Variants in IDH3A observed in about 807,000 individuals in gnomAD.
The protein encoded by IDH3A is isocitrate dehydrogenase [NAD] subunit alpha, mitochondrial.
In IDH3A, 23 loss-of-function variants were observed where a neutral mutation model predicts 43.3. The observed-to-expected ratio is 0.53, with a 90% confidence interval of 0.38 to 0.75. The LOEUF (loss-of-function observed/expected upper bound fraction) is 0.75. Among genes scored for constraint, IDH3A ranks in the 30% least tolerant of loss-of-function variants. The pLI is 0.00. For synonymous variants in IDH3A, 154 were observed against 163.5 expected (o/e 0.94, Z 0.44); for missense variants, 329 against 474.4 (o/e 0.69, Z 2.85).
chr15:78,164,970 T>C lies in IDH3A; in HGVS notation c.780-22T>C, dbSNP rs376369083. On this transcript the variant is annotated intron_variant, in intron 8 of 10. Coordinates refer to ENST00000299518, the MANE Select transcript of IDH3A (RefSeq NM_005530.3). ...ATGTTTTATTTTTAAAAACATTCTT[T>C]GAAATGCTTTTCTTCCGCTAGTGAC... The C allele has an allele frequency of 3.1e-6, 5 of 1,589,936 alleles. 1 individual carries two copies. The highest frequency in any genetic ancestry group is 2.2e-5 in the South Asian group (2 of 90,196).
chr15:78,156,188 G>T (rs1192263240), intron 2 of IDH3A, among the ~76,000 whole-genome samples: 1 of 152,074 alleles, frequency 6.6e-6, no homozygotes, highest in Non-Finnish European at 1.5e-5. Context: ...CATTTCAAAC[G>T]CATTCTGAAA....
Position 78,161,702 on chromosome 15 carries a change from C to T in IDH3A, c.411C>T (p.Tyr137=), listed in dbSNP as rs2074682874. ...CTATCGAAGGCTATAAAACCCCTTACACCGATGTAAATATTGTGACCATTC... is the reference window on the plus strand; with the variant it reads ...CTATCGAAGGCTATAAAACCCCTTATACCGATGTAAATATTGTGACCATTC... The part of the protein sequence containing the change: ...CVSIEGYKTP[Y]TDVNIVTIRE... Residue 137 remains tyrosine (Y), a synonymous_variant, in exon 5 of 11, where the codon TAC becomes TAT. Transcript: ENST00000299518. This position sits in a 1 kb window ranked among gnomAD's most constrained non-coding sequence, Gnocchi z 4.8. 1 of 1,614,132 alleles carries T rather than the reference C, an allele frequency of 6.2e-7. No individual in the cohort carries two copies.
At chr15:78,167,603 C>T (rs577572725) in intron 10 of IDH3A, 4 of 152,226 alleles carry the variant, frequency 2.6e-5, no homozygotes, top group Admixed American at 6.5e-5. Context: ...CACCATCAGT[C>T]ATCTCCAGAC....
At chr15:78,166,341 C>CA in intron 10 of IDH3A, 39 bp downstream of exon 10, 1 of 1,592,760 alleles carries the variant, frequency 6.3e-7, no homozygotes, top group South Asian at 1.1e-5. Flanking sequence ...GGGTAAAATG[C>CA]ATTGCTTCCA....
chr15:78,158,469 T>A (rs2868609), intron 3 of IDH3A, among the ~76,000 whole-genome samples: 638 of 54,928 alleles, frequency 0.012, 1 homozygote, highest in African/African-American at 0.045. Flanking sequence ...ATATATTTTT[T>A]TTTTTTTTTT....
chr15:78,163,432 A>T, intron 6 of IDH3A, 75 bp from the exon 7 acceptor site: 1 of 1,035,032 alleles, frequency 9.7e-7, no homozygotes, highest in Non-Finnish European at 1.5e-6. Flanking sequence ...TCTTGAACTT[A>T]CTTTACTTCT....
Position 78,169,040 on chromosome 15 carries a change from A to C in IDH3A, c.*35A>C. On this transcript the variant is annotated 3_prime_UTR_variant, in exon 11 of 11. Transcript: ENST00000299518. ...AACTGGCATTTACATCAGTCACTCT[A>C]AATGGACACCACATGAACCTCTGTT... The C allele has an allele frequency of 7.6e-7, 1 of 1,307,334 alleles. No homozygotes were observed. Among genetic ancestry groups the C allele is most frequent in the South Asian group, 1.2e-5 (1 of 83,010 alleles). The allele number at this position is 1,307,334 out of a possible 1,614,324, so 81.0% of individuals were successfully genotyped here.
At chr15:78,166,024 G>A (rs1284948770) in intron 9 of IDH3A, 126 bp from the exon 10 acceptor site, 5 of 860,258 alleles carry the variant, frequency 5.8e-6, no homozygotes, top group Non-Finnish European at 7.5e-6. Context: ...CAGATGAATT[G>A]CACGCAGTAG....
At position 78,161,039 on chromosome 15, in the gene IDH3A, G is replaced by A. The variant is rs948262254; in HGVS notation, c.290-542G>A. Among the ~76,000 whole-genome samples, 8 of 151,962 alleles carry A rather than the reference G, an allele frequency of 5.3e-5. No individual in the cohort carries two copies. Among genetic ancestry groups the A allele is most frequent in the African/African-American group, 1.2e-4 (5 of 41,370 alleles). On this transcript the variant is annotated intron_variant, in intron 4 of 10. Coordinates refer to ENST00000299518, the MANE Select transcript of IDH3A (RefSeq NM_005530.3). This position sits in a 1 kb window ranked among gnomAD's most constrained non-coding sequence, Gnocchi z 4.8. The stretch of plus-strand genomic sequence containing the variant: ...TGGGATTACAGGCACACACCACAAC[G>A]CCCAGCTAATTTTTGTATTTTTAGT...
chr15:78,166,475 G>A (rs1036952508), intron 10 of IDH3A, 173 bp downstream of exon 10: 2 of 678,740 alleles, frequency 2.9e-6, no homozygotes, highest in African/African-American at 1.8e-5. Context: ...GTGCACATGT[G>A]TGCATTTTCT....
intron 1 of IDH3A, 92 bp downstream of exon 1, chr15:78,149,522 G>A: frequency 8.7e-7 from 1 of 1,154,830 alleles, no homozygotes; most frequent in Non-Finnish European, 1.2e-6. Context: ...CGGGCGCGTG[G>A]GCCAGACAGG....
In IDH3A at chr15:78,169,911, C is replaced by T. The variant is rs972909547; in HGVS notation, c.*906C>T. ...ACAGCAGGTAGTTCTGGGGGCGATA[C>T]TGCCGAAAGGCCCGAACACATGTAT... On this transcript the variant is annotated 3_prime_UTR_variant, in exon 11 of 11. Transcript: ENST00000299518. 8 of 152,236 alleles carry T rather than the reference C, an allele frequency of 5.3e-5. No individual in the cohort carries two copies. The highest frequency in any genetic ancestry group is 1.9e-4 in the African/African-American group (8 of 41,458). 9.4% of individuals were successfully genotyped at this position (152,236 alleles called of 1,614,324 possible). A position where few individuals can be genotyped will look rare whatever the true frequency, so the allele number is the denominator to read the frequency against.
chr15:78,154,201 AAAC>A lies in IDH3A; in HGVS notation c.28-1010_28-1008del, dbSNP rs1202275139. Among the ~76,000 whole-genome samples the A allele has an allele frequency of 3.9e-3, 590 of 150,944 alleles. 4 individuals carry two copies. Among genetic ancestry groups the A allele is most frequent in the African/African-American group, 0.013 (514 of 41,078 alleles). ...TAATTGGAGAGAGAAAAAAAAAAAA[AAAC>A]ACGTACCAGTGGTAATATCTTGGTG... On this transcript the variant is annotated intron_variant, in intron 1 of 10. Coordinates refer to ENST00000299518, the MANE Select transcript of IDH3A (RefSeq NM_005530.3).
chr15:78,168,930 A>G lies in IDH3A; in HGVS notation c.1026A>G (p.Thr342=), dbSNP rs201332166. Residue 342 remains threonine (T), a synonymous_variant, in exon 11 of 11, where the codon ACA becomes ACG. Transcript: ENST00000299518. ...CTTTTTCCTTTTCTCAGAGCTTGAC[A>G]AAAGATTTGGGAGGCAATGCAAAAT... is the stretch of plus-strand genomic sequence containing the variant. ...FATIKDGKSL[T]KDLGGNAKCS... 1.2e-4 allele frequency: 190 copies of G among 1,595,654 alleles called. 1 individual carries two copies. The highest frequency in any genetic ancestry group is 3.2e-4 in the South Asian group (29 of 89,764).
chr15:78,149,607 C>T (rs1325220024), intron 1 of IDH3A, among the ~76,000 whole-genome samples, 177 bp downstream of exon 1: 1 of 152,136 alleles, frequency 6.6e-6, no homozygotes, highest in Non-Finnish European at 1.5e-5. Flanking sequence ...GTGGCCGGCT[C>T]GCAGTGTATG....
chr15:78,149,713 C>T (rs1216623748), intron 1 of IDH3A, among the ~76,000 whole-genome samples: 2 of 152,232 alleles, frequency 1.3e-5, no homozygotes, highest in African/African-American at 2.4e-5. Flanking sequence ...ACCCGGCTGC[C>T]GTCACCCGCA....
rs34495427 is a variant in IDH3A at position 78,162,545 on chromosome 15, GT to G, written c.611+196del. ...GTCGGAGTCTCCTCTTTTCTCCTCT[GT>G]TTTTTTTTTTTTTTTTTGAGACGGA... On this transcript the variant is annotated intron_variant, in intron 6 of 10. Coordinates refer to ENST00000299518, the MANE Select transcript of IDH3A (RefSeq NM_005530.3). 0.36 allele frequency among the ~76,000 whole-genome samples: 42,646 copies of G among 119,600 alleles called. 5,068 individuals are homozygous for G. Among genetic ancestry groups the G allele is most frequent in the Middle Eastern group, 0.44 (102 of 234 alleles). 78.5% of individuals were successfully genotyped at this position (119,600 alleles called of 152,430 possible). A position where few individuals can be genotyped will look rare whatever the true frequency, so the allele number is the denominator to read the frequency against.
chr15:78,162,407 T>C (rs1462549253), intron 6 of IDH3A, 40 bp downstream of exon 6: 3 of 1,605,642 alleles, frequency 1.9e-6, no homozygotes, highest in South Asian at 1.1e-5. Flanking sequence ...TCTTGCTTTG[T>C]TGTGGGAGAG....
At chr15:78,167,831 T>C (rs956545178) in intron 10 of IDH3A, 11 of 152,236 alleles carry the variant, frequency 7.2e-5, no homozygotes, top group African/African-American at 2.7e-4. Context: ...TTTAAAAAAA[T>C]TCTGTAATTT....
Sources: gnomAD v4.1 joint callset for allele counts (sites outside exome capture counted in the v4.1 genomes callset) on GRCh38, gnomAD v4.1.1 for gene constraint, Gnocchi (gnomAD v3.1) non-coding constraint, MANE v1.5 for transcripts, NCBI Gene and HGNC (gene_info 2026-07-23, HGNC 2026-07-21) for gene names.